Variants in CASTOR2 observed in about 807,000 individuals in gnomAD.
CASTOR2 encodes the protein GATS protein like 2.
CASTOR2 carries 8 observed loss-of-function variants against 31.2 expected under a neutral mutation model. The ratio of observed to expected loss-of-function variants is 0.26; its 90% CI spans 0.15 to 0.46. CASTOR2 has a LOEUF of 0.46. Ranked by LOEUF, CASTOR2 falls within the 20% of genes least tolerant of loss-of-function variation. The pLI is 0.99. For synonymous variants in CASTOR2, 162 were observed against 158.7 expected (o/e 1.02, Z -0.16); for missense variants, 216 against 382.1 (o/e 0.57, Z 3.62).
At chr7:74,983,892 C>A (rs1435431330) in intron 1 of CASTOR2, among the ~76,000 whole-genome samples, 1 of 151,392 alleles carries the variant, frequency 6.6e-6, no homozygotes, top group African/African-American at 2.4e-5. Flanking sequence ...GGGTTCCTCC[C>A]GCCTCAGCCT....
Position 74,977,675 on chromosome 7 carries a change from C to T in CASTOR2, c.113+12577C>T, listed in dbSNP as rs1485827289. ...GGATTACAGGCATGAGCCACCGCAC[C>T]TGGCCTGAAAAAAATTCTTGAGACA... is the stretch of plus-strand genomic sequence containing the variant. On this transcript the variant is annotated intron_variant, in intron 1 of 8. Coordinates refer to ENST00000616305, the MANE Select transcript of CASTOR2 (RefSeq NM_001145064.3). Among the ~76,000 whole-genome samples, 79 of 150,566 alleles carry T rather than the reference C, an allele frequency of 5.2e-4. 1 individual carries two copies. The highest frequency in any genetic ancestry group is 1.0e-3 in the Non-Finnish European group (70 of 67,560).
chr7:75,005,636 C>T (rs1334151175), intron 1 of CASTOR2, among the ~76,000 whole-genome samples: 1 of 152,176 alleles, frequency 6.6e-6, no homozygotes, highest in Non-Finnish European at 1.5e-5. Flanking sequence ...TCACTTCTCG[C>T]GGATGAATAC....
At chr7:75,008,823 G>A (rs1211919049) in intron 2 of CASTOR2, among the ~76,000 whole-genome samples, 3 of 152,160 alleles carry the variant, frequency 2.0e-5, no homozygotes, top group Non-Finnish European at 4.4e-5. Context: ...GGTGGTGTAT[G>A]CCTCTACTAC....
chr7:75,004,075 G>A (rs1350570780), intron 1 of CASTOR2, among the ~76,000 whole-genome samples: 1 of 152,150 alleles, frequency 6.6e-6, no homozygotes, highest in Non-Finnish European at 1.5e-5. Context: ...CAAGGGCCGC[G>A]TCTGTTTGCC....
chr7:74,990,580 T>A (rs2131930213), intron 1 of CASTOR2, among the ~76,000 whole-genome samples: 1 of 151,942 alleles, frequency 6.6e-6, no homozygotes, highest in South Asian at 2.1e-4. Context: ...TTAGGCTAGG[T>A]GCGGTGGCTC....
At chr7:75,002,096 T>A (rs1179293380) in intron 1 of CASTOR2, among the ~76,000 whole-genome samples, 1 of 151,988 alleles carries the variant, frequency 6.6e-6, no homozygotes, top group Admixed American at 6.6e-5. Flanking sequence ...ATTTTATTTT[T>A]TGAATTTTTA....
chr7:75,014,312 ACCTGTAATC>A (rs1804816158), intron 2 of CASTOR2, among the ~76,000 whole-genome samples: 1 of 149,874 alleles, frequency 6.7e-6, no homozygotes, highest in Admixed American at 6.8e-5. Flanking sequence ...GGTGGCTGAC[ACCTGTAATC>A]CCAGCACTTT....
chr7:74,994,710 G>A (rs1469122700), intron 1 of CASTOR2, among the ~76,000 whole-genome samples: 1 of 151,310 alleles, frequency 6.6e-6, no homozygotes, highest in South Asian at 2.1e-4. Flanking sequence ...AGATTGTGTC[G>A]CTGCACTCCA....
chr7:75,022,963 C>T (rs1184480388), intron 7 of CASTOR2, among the ~76,000 whole-genome samples: 1 of 152,176 alleles, frequency 6.6e-6, no homozygotes, highest in Non-Finnish European at 1.5e-5. Context: ...CACATATCTC[C>T]CAGAGAGTCT....
At chr7:75,016,731 A>T (rs1398202699) in intron 2 of CASTOR2, among the ~76,000 whole-genome samples, 69 of 152,310 alleles carry the variant, frequency 4.5e-4, no homozygotes, top group African/African-American at 1.5e-3. Context: ...CCATCGTTTT[A>T]CGGCTGAGCA....
chr7:75,021,219 TG>T (rs1804993947), intron 6 of CASTOR2, among the ~76,000 whole-genome samples: 2 of 152,010 alleles, frequency 1.3e-5, no homozygotes, highest in Non-Finnish European at 2.9e-5. Context: ...CGTGAACTCC[TG>T]ACCTCAAGTG....
chr7:75,023,056 C>T (rs1805041994), intron 7 of CASTOR2, among the ~76,000 whole-genome samples: 1 of 152,238 alleles, frequency 6.6e-6, no homozygotes, highest in South Asian at 2.1e-4. Context: ...CGCCTGTAAT[C>T]CCAGCACTTT....
At chr7:75,000,440 ACC>A (rs1312640969) in intron 1 of CASTOR2, among the ~76,000 whole-genome samples, 3 of 151,802 alleles carry the variant, frequency 2.0e-5, no homozygotes, top group Non-Finnish European at 4.4e-5. Context: ...TGCAAGAAAC[ACC>A]CCTGTCCTTC....
chr7:74,971,965 A>G (rs1803686730), intron 1 of CASTOR2, among the ~76,000 whole-genome samples: 1 of 149,730 alleles, frequency 6.7e-6, no homozygotes, highest in South Asian at 2.1e-4. Flanking sequence ...TTTTTTATTA[A>G]TATTAGTATG....
At chr7:75,014,549 G>A (rs1381350181) in intron 2 of CASTOR2, among the ~76,000 whole-genome samples, 1 of 151,874 alleles carries the variant, frequency 6.6e-6, no homozygotes, top group African/African-American at 2.4e-5. Context: ...CCGAGATCGC[G>A]CCGCTGCACT....
At chr7:75,020,710 G>A (rs899080620) in intron 6 of CASTOR2, among the ~76,000 whole-genome samples, 1 of 151,942 alleles carries the variant, frequency 6.6e-6, no homozygotes, top group Non-Finnish European at 1.5e-5. Flanking sequence ...AAGATGGTCT[G>A]GATCTCCTGA....
rs1805183727 is a variant in CASTOR2 at position 75,027,930 on chromosome 7, A to G, written c.*3231A>G. ...GTCTGCTGGGTGGGAGGGTCTCTCC[A>G]GGCCCCAGACCCCACTTGGAGGGGC... On this transcript the variant is annotated 3_prime_UTR_variant, in exon 9 of 9. Coordinates refer to ENST00000616305, the MANE Select transcript of CASTOR2 (RefSeq NM_001145064.3). 3.1e-6 allele frequency: 4 copies of G among 1,296,284 alleles called. No individual in the cohort carries two copies. In the African/African-American group the frequency reaches 4.4e-5, roughly 14 times the overall value. 80.3% of individuals were successfully genotyped at this position (1,296,284 alleles called of 1,614,324 possible).
At chr7:75,018,718 C>T (rs1397158346) in intron 4 of CASTOR2, among the ~76,000 whole-genome samples, 5 of 152,230 alleles carry the variant, frequency 3.3e-5, no homozygotes, top group African/African-American at 7.2e-5. Context: ...CAGGTAGGAA[C>T]GGAGCCAGGT....
At chr7:74,983,247 G>C (rs1299035203) in intron 1 of CASTOR2, among the ~76,000 whole-genome samples, 35 of 144,874 alleles carry the variant, frequency 2.4e-4, no homozygotes, top group Admixed American at 2.3e-3. Flanking sequence ...CCTGACCTTG[G>C]GTGATCAACC....
Sources: gnomAD v4.1 joint callset for allele counts (sites outside exome capture counted in the v4.1 genomes callset) on GRCh38, gnomAD v4.1.1 for gene constraint, MANE v1.5 for transcripts, NCBI Gene and HGNC (gene_info 2026-07-23, HGNC 2026-07-21) for gene names.